The following DMD variants were observed in gnomAD, a reference collection of about 807,000 sequenced individuals.
DMD encodes dystrophin, also known as mutant dystrophin.
In DMD, 63 loss-of-function variants were observed where a neutral mutation model predicts 330.1. The observed-to-expected ratio is 0.19, with a 90% CI of 0.16 to 0.24. DMD has a LOEUF of 0.24. DMD is among the 10% of genes least tolerant of loss of function. DMD has a pLI of 1.00. For missense variants in DMD, 3,344 were observed against 2,684.1 expected (o/e 1.25, Z -5.43); for synonymous variants, 1,223 against 959.8 (o/e 1.27, Z -5.07).
chrX:32,631,239 C>A (rs2058707221), intron 11 of DMD, among the ~76,000 whole-genome samples: 1 of 111,514 alleles, frequency 9.0e-6, no homozygotes, highest in Admixed American at 9.5e-5. Context: ...GACACAAGCA[C>A]CCCTGTAGCT....
intron 34 of DMD, among the ~76,000 whole-genome samples, chrX:32,378,048 AC>A (rs2097910846): frequency 9.0e-6 from 1 of 110,765 alleles, no homozygotes; most frequent in African/African-American, 3.3e-5. Flanking sequence ...GCGTGTTATC[AC>A]CTTTATGACC....
At chrX:31,517,580 A>G (rs1486123563) in intron 55 of DMD, among the ~76,000 whole-genome samples, 2 of 110,932 alleles carry the variant, frequency 1.8e-5, no homozygotes, top group Admixed American at 9.7e-5. Context: ...GCATCTGGTA[A>G]TGATTATTGG....
At chrX:32,894,846 A>T (rs1485802631) in intron 2 of DMD, among the ~76,000 whole-genome samples, 2 of 112,444 alleles carry the variant, frequency 1.8e-5, no homozygotes, top group Non-Finnish European at 3.8e-5. Flanking sequence ...GTGTTTTTAC[A>T]GAGTCAGATG....
intron 55 of DMD, among the ~76,000 whole-genome samples, chrX:31,593,797 A>T (rs1393681869): frequency 9.1e-6 from 1 of 110,331 alleles, no homozygotes. Context: ...TGAAAAAAAT[A>T]AAACGTTTGT....
intron 2 of DMD, among the ~76,000 whole-genome samples, chrX:32,932,456 T>A (rs2146706932): frequency 8.9e-6 from 1 of 112,156 alleles, no homozygotes. Context: ...AATTCACCAA[T>A]ACATTTTCCA....
chrX:32,561,196 T>C (rs1040840117), intron 16 of DMD, among the ~76,000 whole-genome samples: 7 of 111,576 alleles, frequency 6.3e-5, no homozygotes, highest in Non-Finnish European at 7.5e-5. Context: ...AGGTGGATAA[T>C]AACAAACTTC....
At chrX:32,983,297 C>A (rs2147239216) in intron 2 of DMD, among the ~76,000 whole-genome samples, 1 of 111,466 alleles carries the variant, frequency 9.0e-6, no homozygotes, top group South Asian at 3.8e-4. Flanking sequence ...ATTCATCATT[C>A]ATCATTAAAA....
At chrX:32,925,145 G>GTTTTTTTTTTTTTTTTTT (rs777224221) in intron 2 of DMD, among the ~76,000 whole-genome samples, 2 of 48,534 alleles carry the variant, frequency 4.1e-5, no homozygotes, top group African/African-American at 1.6e-4. Flanking sequence ...AAAACTCTGG[G>GTTTTTTTTTTTTTTTTTT]TTTTTTTTTT....
intron 26 of DMD, among the ~76,000 whole-genome samples, chrX:32,452,704 T>C (rs939674450): frequency 9.0e-6 from 1 of 110,671 alleles, no homozygotes; most frequent in African/African-American, 3.3e-5. Context: ...TGATAAAGTT[T>C]TCCTCAGGGG....
intron 76 of DMD, among the ~76,000 whole-genome samples, chrX:31,144,747 AAAGT>A (rs772647728): frequency 2.7e-4 from 30 of 111,548 alleles, no homozygotes; most frequent in Non-Finnish European, 5.5e-4. Context: ...GTCCCAGGGA[AAAGT>A]AAGGAGAGAG....
At chrX:32,777,871 C>T (rs751914287) in intron 7 of DMD, among the ~76,000 whole-genome samples, 19 of 112,320 alleles carry the variant, frequency 1.7e-4, no homozygotes, top group Non-Finnish European at 3.4e-4. Context: ...CTGTGCACAT[C>T]GCTGCTCAAT....
intron 60 of DMD, among the ~76,000 whole-genome samples, chrX:31,420,852 A>T (rs959373960): frequency 8.9e-6 from 1 of 112,299 alleles, no homozygotes; most frequent in Non-Finnish European, 1.9e-5. Context: ...GCAGTCATGC[A>T]TATCCAAATG....
At chrX:32,825,958 G>A (rs1166475761) in intron 4 of DMD, among the ~76,000 whole-genome samples, 1 of 74,281 alleles carries the variant, frequency 1.3e-5, no homozygotes, top group Non-Finnish European at 2.8e-5. Flanking sequence ...CCCAACAACA[G>A]AAATATACTT....
intron 1 of DMD, chrX:33,128,545 C>A: frequency 1.5e-6 from 1 of 685,892 alleles, no homozygotes; most frequent in Admixed American, 7.5e-5. Flanking sequence ...GTGTCGTCTG[C>A]TTTATATAGG....
chrX:32,319,924 T>G (rs2097603036), intron 41 of DMD, among the ~76,000 whole-genome samples: 1 of 110,808 alleles, frequency 9.0e-6, no homozygotes, highest in Non-Finnish European at 1.9e-5. Flanking sequence ...ATTTTTTATT[T>G]TAAGCTATTC....
chrX:31,467,584 T>G (rs2066949875), intron 59 of DMD, among the ~76,000 whole-genome samples: 1 of 111,814 alleles, frequency 8.9e-6, no homozygotes, highest in South Asian at 3.8e-4. Context: ...TTATTGAGGA[T>G]TTTCGCATTG....
intron 60 of DMD, among the ~76,000 whole-genome samples, chrX:31,366,495 A>C (rs1403311762): frequency 4.0e-5 from 4 of 99,537 alleles, no homozygotes. Flanking sequence ...AAAAAAAAAA[A>C]ACATAAAAAA....
At chrX:31,124,619 T>C (rs1266138933) in intron 78 of DMD, among the ~76,000 whole-genome samples, 2 of 112,121 alleles carry the variant, frequency 1.8e-5, no homozygotes, top group Non-Finnish European at 3.8e-5. Flanking sequence ...ACTATGTCTA[T>C]AGAAAGTATT....
intron 3 of DMD, among the ~76,000 whole-genome samples, chrX:32,848,819 AG>A (rs1169316859): frequency 9.0e-6 from 1 of 111,680 alleles, no homozygotes; most frequent in Non-Finnish European, 1.9e-5. Context: ...AAAGAAATAC[AG>A]GCAAGTAAAA....
Sources: gnomAD v4.1 joint callset for allele counts (sites outside exome capture counted in the v4.1 genomes callset) on GRCh38, gnomAD v4.1.1 for gene constraint, MANE v1.5 for transcripts, NCBI Gene and HGNC (gene_info 2026-07-23, HGNC 2026-07-21) for gene names.